Variants in DCC observed in about 807,000 individuals in gnomAD.
DCC encodes the protein DCC netrin 1 receptor.
Under a neutral mutation model 172.5 loss-of-function variants are expected in DCC, and 58 were observed. The ratio of observed to expected loss-of-function variants is 0.34; its 90% CI spans 0.27 to 0.42. The LOEUF (loss-of-function observed/expected upper bound fraction) is 0.42. DCC is among the 10% of genes least tolerant of loss of function. The pLI is 1.00. For missense variants in DCC, 1,740 were observed against 1,791.0 expected (o/e 0.97, Z 0.51); for synonymous variants, 709 against 644.5 (o/e 1.10, Z -1.52).
At chr18:52,420,470 C>A (rs555468264) in intron 1 of DCC, among the ~76,000 whole-genome samples, 1 of 152,094 alleles carries the variant, frequency 6.6e-6, no homozygotes, top group Non-Finnish European at 1.5e-5. Flanking sequence ...GTTAAAAATG[C>A]CCATCTCCAG....
intron 19 of DCC, among the ~76,000 whole-genome samples, chr18:53,406,754 A>G (rs1000935720): frequency 6.0e-4 from 91 of 151,670 alleles, no homozygotes; most frequent in African/African-American, 2.1e-3. Context: ...AGGTACAGAA[A>G]TGTAGTGAGA....
intron 12 of DCC, among the ~76,000 whole-genome samples, chr18:53,282,360 A>G (rs2056882854): frequency 6.6e-6 from 1 of 152,128 alleles, no homozygotes; most frequent in Non-Finnish European, 1.5e-5. Context: ...TTTGAGTGTC[A>G]TCTCCTTTTT....
At chr18:53,521,763 T>C (rs1568185160) in intron 27 of DCC, among the ~76,000 whole-genome samples, 1 of 152,086 alleles carries the variant, frequency 6.6e-6, no homozygotes, top group Non-Finnish European at 1.5e-5. Context: ...GTAGCTGAGT[T>C]TCTTAAACAT....
intron 27 of DCC, among the ~76,000 whole-genome samples, chr18:53,519,916 T>G (rs1256972056): frequency 6.6e-6 from 1 of 152,158 alleles, no homozygotes; most frequent in Non-Finnish European, 1.5e-5. Flanking sequence ...TTTTTCCTAA[T>G]TGCCATAATT....
At chr18:52,914,070 T>C (rs539945792) in intron 3 of DCC, among the ~76,000 whole-genome samples, 2 of 152,214 alleles carry the variant, frequency 1.3e-5, no homozygotes, top group East Asian at 1.9e-4. Context: ...CCCATTGCTT[T>C]TCTGGAAAGT....
intron 2 of DCC, among the ~76,000 whole-genome samples, chr18:52,815,614 T>G (rs906581808): frequency 6.6e-6 from 1 of 152,198 alleles, no homozygotes; most frequent in African/African-American, 2.4e-5. Context: ...TTGAAGCCAC[T>G]CAGTTGCTAG....
At chr18:53,400,272 A>T (rs16956674) in intron 18 of DCC, among the ~76,000 whole-genome samples, 1 of 151,768 alleles carries the variant, frequency 6.6e-6, no homozygotes, top group Admixed American at 6.6e-5. Context: ...ACTTCCAAAG[A>T]ATGGAAAACT....
At chr18:52,975,147 G>A (rs2041096688) in intron 5 of DCC, among the ~76,000 whole-genome samples, 1 of 152,124 alleles carries the variant, frequency 6.6e-6, no homozygotes, top group Admixed American at 6.5e-5. Flanking sequence ...TCACAAACTA[G>A]TAACCTCGAC....
chr18:52,676,457 A>T (rs2035647993), intron 1 of DCC, among the ~76,000 whole-genome samples: 1 of 152,184 alleles, frequency 6.6e-6, no homozygotes, highest in African/African-American at 2.4e-5. Context: ...TCACATGTAA[A>T]TGATGTAAAT....
At chr18:52,441,085 T>C (rs1294254161) in intron 1 of DCC, among the ~76,000 whole-genome samples, 3 of 152,166 alleles carry the variant, frequency 2.0e-5, no homozygotes, top group Non-Finnish European at 2.9e-5. Context: ...CATAAGAAAA[T>C]AGTCAATAAT....
chr18:53,292,637 C>T (rs1365270663), intron 12 of DCC, among the ~76,000 whole-genome samples: 2 of 152,042 alleles, frequency 1.3e-5, no homozygotes, highest in African/African-American at 2.4e-5. Context: ...TGCAGTGAGC[C>T]GAGATCGTGC....
chr18:52,681,034 C>A (rs940727065), intron 1 of DCC, among the ~76,000 whole-genome samples: 1 of 152,012 alleles, frequency 6.6e-6, no homozygotes, highest in Non-Finnish European at 1.5e-5. Context: ...GTGGTGGGGT[C>A]GGCATTTATT....
rs117681456 is a variant in DCC at position 53,233,906 on chromosome 18, G to A, written c.1911+18309G>A. Among the ~76,000 whole-genome samples, 1,268 of 152,222 alleles carry A rather than the reference G, an allele frequency of 8.3e-3. 17 individuals carry two copies. Among genetic ancestry groups the A allele is most frequent in the Middle Eastern group, 0.01 (3 of 294 alleles). On this transcript the variant is annotated intron_variant, in intron 12 of 28. Coordinates refer to ENST00000442544, the MANE Select transcript of DCC (RefSeq NM_005215.4). ...AGTTGGGTGGATCACCTGCGGTCAG[G>A]AGTTTTATATCAGCCTGGCCAACAT...
chr18:53,269,908 C>T (rs537460639), intron 12 of DCC, among the ~76,000 whole-genome samples: 34 of 152,148 alleles, frequency 2.2e-4, no homozygotes, highest in African/African-American at 7.9e-4. Flanking sequence ...GAATGGATGG[C>T]AATAGGATAG....
In DCC at chr18:52,596,055, A is replaced by G. The variant is rs777759490; in HGVS notation, c.92-155999A>G. Among the ~76,000 whole-genome samples, 28 of 152,190 alleles carry G rather than the reference A, an allele frequency of 1.8e-4. 1 individual carries two copies. The highest frequency in any genetic ancestry group is 2.4e-5 in the African/African-American group (1 of 41,452). Reference sequence around the variant, plus strand: ...CTGTACAGACTACAGCTTTTATGGAATGGTATGTTTTACAACTATTGGCTC... The same window carrying G: ...CTGTACAGACTACAGCTTTTATGGAGTGGTATGTTTTACAACTATTGGCTC... On this transcript the variant is annotated intron_variant, in intron 1 of 28. Coordinates refer to ENST00000442544, the MANE Select transcript of DCC (RefSeq NM_005215.4).
chr18:53,375,663 C>A (rs2058103289), intron 15 of DCC, among the ~76,000 whole-genome samples: 1 of 142,446 alleles, frequency 7.0e-6, no homozygotes, highest in African/African-American at 2.6e-5. Context: ...AGAGGAAAAC[C>A]TGTGTGTTTG....
chr18:53,482,351 G>C (rs961051433), intron 25 of DCC, among the ~76,000 whole-genome samples: 1 of 152,040 alleles, frequency 6.6e-6, no homozygotes, highest in Non-Finnish European at 1.5e-5. Context: ...TTGAAAGAAG[G>C]TTTATTATTT....
intron 8 of DCC, among the ~76,000 whole-genome samples, chr18:53,162,747 C>T (rs1030924281): frequency 1.3e-5 from 2 of 152,176 alleles, no homozygotes; most frequent in African/African-American, 4.8e-5. Context: ...TTTCTTGATC[C>T]CTGGCACTCA....
chr18:53,054,187 A>C (rs1185813857), intron 5 of DCC, among the ~76,000 whole-genome samples: 1 of 152,128 alleles, frequency 6.6e-6, no homozygotes, highest in Non-Finnish European at 1.5e-5. Flanking sequence ...ATTAAGCTGC[A>C]TTTACATATT....
Sources: gnomAD v4.1 joint callset for allele counts (sites outside exome capture counted in the v4.1 genomes callset) on GRCh38, gnomAD v4.1.1 for gene constraint, MANE v1.5 for transcripts, NCBI Gene and HGNC (gene_info 2026-07-23, HGNC 2026-07-21) for gene names.